Variants in TCF7L1 observed in about 807,000 individuals in gnomAD.
TCF7L1 encodes transcription factor 7 like 1.
TCF7L1 carries 18 observed loss-of-function variants against 63.7 expected under a neutral mutation model. That is an observed-to-expected ratio of 0.28 (90% CI 0.20 to 0.42). TCF7L1 has a LOEUF of 0.42. Ranked by LOEUF, TCF7L1 falls within the 10% of genes least tolerant of loss-of-function variation. TCF7L1 has a pLI of 1.00. For missense variants in TCF7L1, 654 were observed against 779.3 expected (o/e 0.84, Z 1.91); for synonymous variants, 355 against 340.9 (o/e 1.04, Z -0.46).
chr2:85,137,837 G>C (rs1304643706), intron 3 of TCF7L1, among the ~76,000 whole-genome samples: 2 of 150,596 alleles, frequency 1.3e-5, no homozygotes, highest in Non-Finnish European at 2.9e-5. Context: ...AGGTTGCAAT[G>C]AGCTGAGATT....
chr2:85,288,302 C>T (rs144413297), intron 4 of TCF7L1, among the ~76,000 whole-genome samples: 2 of 152,162 alleles, frequency 1.3e-5, no homozygotes, highest in Admixed American at 6.5e-5. Flanking sequence ...TTTTTAAGCT[C>T]CCCAGGAGAT....
At chr2:85,290,913 G>A (rs572110261) in intron 4 of TCF7L1, among the ~76,000 whole-genome samples, 1 of 152,356 alleles carries the variant, frequency 6.6e-6, no homozygotes, top group Admixed American at 6.5e-5. Flanking sequence ...GCTGGGAGCT[G>A]TGCCCCTGAG....
intron 3 of TCF7L1, among the ~76,000 whole-genome samples, chr2:85,282,399 G>T (rs1211103505): frequency 1.3e-5 from 2 of 152,252 alleles, no homozygotes; most frequent in African/African-American, 2.4e-5. Context: ...CTGTTGCCCA[G>T]AAGCAACCTG....
intron 3 of TCF7L1, among the ~76,000 whole-genome samples, chr2:85,182,232 G>A (rs1217268299): frequency 1.3e-5 from 2 of 152,160 alleles, no homozygotes; most frequent in Non-Finnish European, 2.9e-5. Flanking sequence ...CGTGATCTGG[G>A]GCACGGTCTG....
intron 3 of TCF7L1, among the ~76,000 whole-genome samples, chr2:85,268,782 A>AGG (rs1681072949): frequency 6.6e-6 from 1 of 151,788 alleles, no homozygotes; most frequent in African/African-American, 2.4e-5. Context: ...AAAAAAAAAA[A>AGG]AAGATTGGAT....
chr2:85,165,276 G>A (rs142445795), intron 3 of TCF7L1, among the ~76,000 whole-genome samples: 12 of 152,352 alleles, frequency 7.9e-5, no homozygotes, highest in African/African-American at 2.9e-4. Context: ...GCTGCCGTGT[G>A]TGTGCACACA....
rs1558663488 is a variant in TCF7L1, at chr2:85,308,441, C to CTCCT, written c.1334-587_1334-586insCCTT. Among the ~76,000 whole-genome samples, 35 of 84,802 alleles carry CTCCT rather than the reference C, an allele frequency of 4.1e-4. 1 individual carries two copies. The highest frequency in any genetic ancestry group is 5.8e-4 in the Non-Finnish European group (25 of 43,028). The allele number at this position is 84,802 out of a possible 152,430, so 55.6% of individuals were successfully genotyped here. A position where few individuals can be genotyped will look rare whatever the true frequency, so the allele number is the denominator to read the frequency against. On this transcript the variant is annotated intron_variant, in intron 11 of 11. Coordinates refer to ENST00000282111, the MANE Select transcript of TCF7L1 (RefSeq NM_031283.3). ...CTTCCCTCCCTCCTTTTCTCCCTCC[C>CTCCT]TTTCTCTTTCCCTCCCTCTCTTTCC...
intron 3 of TCF7L1, among the ~76,000 whole-genome samples, chr2:85,273,222 G>A (rs1401601253): frequency 6.6e-6 from 1 of 152,222 alleles, no homozygotes; most frequent in Admixed American, 6.5e-5. Flanking sequence ...TCTTCCACCT[G>A]AGTGAAGATC....
rs773005739 is a variant in TCF7L1 at position 85,309,094 on chromosome 2, A to G, written c.1399A>G (p.Ser467Gly). 6.2e-6 allele frequency: 10 copies of G among 1,611,998 alleles called. No homozygotes were observed. The change falls in exon 12 of 12, where the codon AGC becomes GGC. Residue 467 changes from serine to glycine, a missense_variant. Transcript: ENST00000282111. ...QYLPPEKPCD[S>G]PASSHGSMLD... ...CCTGCCCCCCGAGAAGCCCTGTGAC[A>G]GCCCTGCCTCCTCCCACGGGAGCAT... is the stretch of plus-strand genomic sequence containing the variant.
intron 4 of TCF7L1, among the ~76,000 whole-genome samples, chr2:85,294,132 A>G (rs147633555): frequency 0.072 from 10,104 of 140,892 alleles, 456 homozygotes; most frequent in African/African-American, 0.12. Context: ...CACTTCCCGG[A>G]TTCACGCCAT....
intron 3 of TCF7L1, among the ~76,000 whole-genome samples, chr2:85,262,736 A>T (rs1179142280): frequency 6.6e-6 from 1 of 152,266 alleles, no homozygotes. Flanking sequence ...GAGAACAAGC[A>T]TATGGGTTGT....
intron 3 of TCF7L1, among the ~76,000 whole-genome samples, chr2:85,238,541 A>G (rs969953180): frequency 6.6e-6 from 1 of 152,076 alleles, no homozygotes; most frequent in African/African-American, 2.4e-5. Flanking sequence ...ACGCTTCCTT[A>G]TGGATTGCCT....
chr2:85,244,981 C>G (rs1057049436), intron 3 of TCF7L1, among the ~76,000 whole-genome samples: 2 of 152,114 alleles, frequency 1.3e-5, no homozygotes, highest in African/African-American at 4.8e-5. Flanking sequence ...GGGGCTGCTG[C>G]TGAAGGTCGA....
chr2:85,280,712 T>C (rs903057555), intron 3 of TCF7L1, among the ~76,000 whole-genome samples: 25 of 152,178 alleles, frequency 1.6e-4, no homozygotes, highest in African/African-American at 6.0e-4. Context: ...GAAAAACGAG[T>C]GTGGTGTTTA....
intron 3 of TCF7L1, among the ~76,000 whole-genome samples, chr2:85,174,812 G>A (rs1261009401): frequency 6.6e-6 from 1 of 152,218 alleles, no homozygotes; most frequent in Non-Finnish European, 1.5e-5. Context: ...CTTGGGCCCT[G>A]CTGGGGCATC....
rs1677728083 is a variant in TCF7L1 at position 85,141,167 on chromosome 2, C to G, written c.441+6717C>G. Among the ~76,000 whole-genome samples the G allele has an allele frequency of 2.0e-5, 3 of 152,198 alleles. No individual in the cohort carries two copies. In the South Asian group the frequency reaches 6.2e-4, roughly 32 times the overall value. On this transcript the variant is annotated intron_variant, in intron 3 of 11. Transcript: ENST00000282111. ...CGGGCATGGTGGTAGCTCAGGAGTT[C>G]AAGGCTACAGTGAACTATGATTGTG...
chr2:85,263,375 G>A (rs567068670), intron 3 of TCF7L1, among the ~76,000 whole-genome samples: 13 of 152,208 alleles, frequency 8.5e-5, no homozygotes, highest in African/African-American at 1.4e-4. Context: ...AGGGGCTGCC[G>A]GCAGGAGGGC....
At chr2:85,158,167 T>C (rs1425891220) in intron 3 of TCF7L1, among the ~76,000 whole-genome samples, 1 of 152,146 alleles carries the variant, frequency 6.6e-6, no homozygotes, top group Admixed American at 6.5e-5. Context: ...TGACAGCAAG[T>C]GTGGTGCATG....
intron 3 of TCF7L1, among the ~76,000 whole-genome samples, chr2:85,259,605 G>A (rs184776587): frequency 1.3e-5 from 2 of 152,360 alleles, no homozygotes; most frequent in African/African-American, 2.4e-5. Flanking sequence ...AAGGGGTAAA[G>A]AGAGCCGTGG....
Sources: gnomAD v4.1 joint callset for allele counts (sites outside exome capture counted in the v4.1 genomes callset) on GRCh38, gnomAD v4.1.1 for gene constraint, MANE v1.5 for transcripts, NCBI Gene and HGNC (gene_info 2026-07-23, HGNC 2026-07-21) for gene names.